The following SLC8A3 variants were observed in gnomAD, a reference collection of about 807,000 sequenced individuals.
SLC8A3 encodes sodium/calcium exchanger 3.
A neutral mutation model predicts 65.4 loss-of-function variants in SLC8A3; 37 were observed. The ratio of observed to expected loss-of-function variants is 0.57; its 90% CI spans 0.44 to 0.74. The LOEUF (loss-of-function observed/expected upper bound fraction) is 0.74, where lower values mean the gene tolerates loss of function less well. Among genes scored for constraint, SLC8A3 ranks in the 30% least tolerant of loss-of-function variants. The pLI is 0.00. For synonymous variants in SLC8A3, 461 were observed against 444.5 expected, an observed-to-expected ratio of 1.04 and a Z score of -0.47; for missense variants, 1,112 against 1,172.1, an observed-to-expected ratio of 0.95 and a Z score of 0.75.
At chr14:70,049,639 AAAAG>A (rs1319804726) in intron 5 of SLC8A3, among the ~76,000 whole-genome samples, 2 of 152,086 alleles carry the variant, frequency 1.3e-5, no homozygotes, top group African/African-American at 4.8e-5. Context: ...ATTAAAAAAA[AAAAG>A]AAAGGAGAAT....
intron 3 of SLC8A3, chr14:70,060,514 T>C (rs1199136291): frequency 2.2e-6 from 1 of 449,244 alleles, no homozygotes; most frequent in Non-Finnish European, 4.3e-6. Context: ...AATTGAATAA[T>C]TGAAAATTGT....
chr14:70,098,765 T>C (rs1428645394), intron 2 of SLC8A3, among the ~76,000 whole-genome samples: 1 of 152,156 alleles, frequency 6.6e-6, no homozygotes, highest in Non-Finnish European at 1.5e-5. Flanking sequence ...AGTCAAACAC[T>C]TAGCAGCTGA....
chr14:70,097,650 A>G (rs1327949053), intron 2 of SLC8A3, among the ~76,000 whole-genome samples: 1 of 152,222 alleles, frequency 6.6e-6, no homozygotes, highest in Non-Finnish European at 1.5e-5. Context: ...TGGCATAGTA[A>G]AAGTTCAATA....
intron 3 of SLC8A3, among the ~76,000 whole-genome samples, chr14:70,055,098 T>C (rs1887934997): frequency 6.6e-6 from 1 of 152,180 alleles, no homozygotes; most frequent in Admixed American, 6.5e-5. Flanking sequence ...AAAGTAGGTG[T>C]ACGTCCTCTA....
At chr14:70,161,548 T>TTGCTAC (rs1389614746) in intron 2 of SLC8A3, among the ~76,000 whole-genome samples, 3 of 152,106 alleles carry the variant, frequency 2.0e-5, no homozygotes. Context: ...AGGAGGACTT[T>TTGCTAC]TGCTACTGCC....
chr14:70,119,466 T>C (rs1893895130), intron 2 of SLC8A3, among the ~76,000 whole-genome samples: 1 of 152,222 alleles, frequency 6.6e-6, no homozygotes, highest in African/African-American at 2.4e-5. Context: ...CTGAGAATCA[T>C]ATGATGTCCC....
At chr14:70,054,634 T>A (rs558309847) in intron 3 of SLC8A3, among the ~76,000 whole-genome samples, 1 of 151,778 alleles carries the variant, frequency 6.6e-6, no homozygotes, top group Non-Finnish European at 1.5e-5. Flanking sequence ...GGGAGAAGAA[T>A]GAAGAACAGA....
chr14:70,155,022 C>T (rs111306684), intron 2 of SLC8A3, among the ~76,000 whole-genome samples: 9,930 of 150,278 alleles, frequency 0.066, 381 homozygotes, highest in African/African-American at 0.097. Context: ...CAGGTTCAAG[C>T]GATTCTCCTG....
chr14:70,105,236 G>A (rs575605940), intron 2 of SLC8A3, among the ~76,000 whole-genome samples: 1 of 152,298 alleles, frequency 6.6e-6, no homozygotes, highest in Non-Finnish European at 1.5e-5. Flanking sequence ...GGCTGAGGCA[G>A]GAGAATGGCG....
chr14:70,054,624 G>A (rs1329867357), intron 3 of SLC8A3, among the ~76,000 whole-genome samples: 1 of 152,090 alleles, frequency 6.6e-6, no homozygotes, highest in African/African-American at 2.4e-5. Flanking sequence ...TCAATACCCT[G>A]GGAGAAGAAT....
At chr14:70,064,293 G>A (rs1211594806) in intron 2 of SLC8A3, among the ~76,000 whole-genome samples, 4 of 152,178 alleles carry the variant, frequency 2.6e-5, no homozygotes, top group Non-Finnish European at 5.9e-5. Flanking sequence ...GCAGTTATGA[G>A]AGCAATGAAA....
intron 1 of SLC8A3, among the ~76,000 whole-genome samples, chr14:70,173,279 A>G (rs1233414782): frequency 6.6e-6 from 1 of 152,158 alleles, no homozygotes; most frequent in Non-Finnish European, 1.5e-5. Context: ...ACAGATACAG[A>G]CAAGCATGGT....
At position 70,126,973 on chromosome 14, in the gene SLC8A3, T is replaced by C. The variant is rs1004839248; in HGVS notation, c.1784+39666A>G. On this transcript the variant is annotated intron_variant, in intron 2 of 6. Transcript: ENST00000356921. ...TTGGGTAAGGAATACTCAACCTATA[T>C]TGAGTTTATTCATGCTATGACCAAT... Among the ~76,000 whole-genome samples the C allele has an allele frequency of 1.4e-4, 22 of 152,100 alleles. 1 individual carries two copies. Among genetic ancestry groups the C allele is most frequent in the African/African-American group, 5.1e-4 (21 of 41,406 alleles).
At chr14:70,188,012 G>T (rs1416551830) in intron 1 of SLC8A3, among the ~76,000 whole-genome samples, 11 of 152,026 alleles carry the variant, frequency 7.2e-5, no homozygotes. Context: ...CAACACAGCA[G>T]TCAGTCTCCC....
At chr14:70,139,512 G>T (rs1895425763) in intron 2 of SLC8A3, among the ~76,000 whole-genome samples, 1 of 152,186 alleles carries the variant, frequency 6.6e-6, no homozygotes, top group African/African-American at 2.4e-5. Context: ...CCCAGCAGAA[G>T]GTCTGCTGGA....
At chr14:70,078,406 A>AT (rs1890732331) in intron 2 of SLC8A3, among the ~76,000 whole-genome samples, 2 of 152,184 alleles carry the variant, frequency 1.3e-5, no homozygotes, top group East Asian at 1.9e-4. Context: ...TTTAGACAGC[A>AT]TTTTTTTCTG....
At chr14:70,151,943 A>G (rs1049151907) in intron 2 of SLC8A3, among the ~76,000 whole-genome samples, 10 of 152,038 alleles carry the variant, frequency 6.6e-5, no homozygotes, top group African/African-American at 2.4e-4. Context: ...CATAACTATT[A>G]ATGGTTACAC....
At chr14:70,128,352 A>G (rs556652358) in intron 2 of SLC8A3, among the ~76,000 whole-genome samples, 2 of 152,296 alleles carry the variant, frequency 1.3e-5, no homozygotes, top group South Asian at 4.1e-4. Flanking sequence ...TTTATTGCCT[A>G]TAATGTCTAC....
intron 2 of SLC8A3, among the ~76,000 whole-genome samples, chr14:70,157,879 C>T (rs1045226033): frequency 1.3e-5 from 2 of 152,176 alleles, no homozygotes; most frequent in Admixed American, 1.3e-4. Flanking sequence ...GAAGCTAGTT[C>T]GTTCTGGCTA....
Sources: gnomAD v4.1 joint callset for allele counts (sites outside exome capture counted in the v4.1 genomes callset) on GRCh38, gnomAD v4.1.1 for gene constraint, MANE v1.5 for transcripts, NCBI Gene and HGNC (gene_info 2026-07-23, HGNC 2026-07-21) for gene names.